Variants in TENM2 observed in about 807,000 individuals in gnomAD.
TENM2 encodes the protein teneurin transmembrane protein 2.
A neutral mutation model predicts 245.2 loss-of-function variants in TENM2; 52 were observed. The ratio of observed to expected loss-of-function variants is 0.21; its 90% CI spans 0.17 to 0.27. The LOEUF (loss-of-function observed/expected upper bound fraction) is 0.27, where lower values mean the gene tolerates loss of function less well. TENM2 is among the 10% of genes least tolerant of loss of function. TENM2 has a pLI of 1.00. For synonymous variants in TENM2, 1,363 were observed against 1,438.9 expected, an observed-to-expected ratio of 0.95 and a Z score of 1.19; for missense variants, 3,046 against 3,666.8, an observed-to-expected ratio of 0.83 and a Z score of 4.37.
At chr5:167,460,989 A>G (rs1766259024) in intron 2 of TENM2, among the ~76,000 whole-genome samples, 1 of 152,232 alleles carries the variant, frequency 6.6e-6, no homozygotes, top group Non-Finnish European at 1.5e-5. Context: ...CGACTAATAA[A>G]TTAGCACAAG....
At chr5:167,227,219 C>T in the TENM2 span, among the ~76,000 whole-genome samples, 1 of 151,728 alleles carries the variant, frequency 6.6e-6, no homozygotes, top group Non-Finnish European at 1.5e-5. Flanking sequence ...TTATATTGTT[C>T]ATTGTTTTCT....
intron 2 of TENM2, among the ~76,000 whole-genome samples, chr5:167,580,869 A>G (rs2127681621): frequency 6.6e-6 from 1 of 152,300 alleles, no homozygotes; most frequent in East Asian, 1.9e-4. Context: ...CAAGCTTGTA[A>G]TACCAGGTAC....
chr5:167,695,319 A>G (rs997280983), intron 2 of TENM2, among the ~76,000 whole-genome samples: 3 of 152,208 alleles, frequency 2.0e-5, no homozygotes, highest in Admixed American at 2.0e-4. Context: ...CTGTAGGTAA[A>G]ACGTAAGGAA....
the TENM2 span, among the ~76,000 whole-genome samples, chr5:167,211,282 T>G: frequency 3.3e-5 from 5 of 152,212 alleles, no homozygotes; most frequent in Non-Finnish European, 5.9e-5. Context: ...AAAACTACAC[T>G]GTTTCAACCA....
chr5:167,121,201 CT>C, the TENM2 span, among the ~76,000 whole-genome samples: 1 of 151,990 alleles, frequency 6.6e-6, no homozygotes, highest in Non-Finnish European at 1.5e-5. Context: ...CATGGAGATT[CT>C]ATTCCAGTGG....
intron 2 of TENM2, among the ~76,000 whole-genome samples, chr5:167,525,103 G>T (rs1037534203): frequency 1.3e-5 from 2 of 151,958 alleles, no homozygotes; most frequent in African/African-American, 4.8e-5. Flanking sequence ...GTGTTGGCCA[G>T]TTGCCAAATC....
chr5:168,062,918 C>A (rs1749788188), intron 7 of TENM2, among the ~76,000 whole-genome samples: 1 of 152,090 alleles, frequency 6.6e-6, no homozygotes, highest in Non-Finnish European at 1.5e-5. Context: ...TAGTAATGGC[C>A]TGAAATGAGG....
chr5:167,703,215 A>G (rs1046354275), intron 2 of TENM2, among the ~76,000 whole-genome samples: 1 of 152,148 alleles, frequency 6.6e-6, no homozygotes, highest in Admixed American at 6.5e-5. Context: ...TGACACCTAT[A>G]GTAAGTGGTA....
At chr5:167,879,302 A>G (rs1183943467) in intron 3 of TENM2, among the ~76,000 whole-genome samples, 1 of 152,132 alleles carries the variant, frequency 6.6e-6, no homozygotes, top group Non-Finnish European at 1.5e-5. Context: ...AATCAAGTAG[A>G]TACCCAGGTA....
intron 2 of TENM2, among the ~76,000 whole-genome samples, chr5:167,453,980 G>A (rs1007676998): frequency 2.0e-5 from 3 of 152,150 alleles, no homozygotes; most frequent in Admixed American, 1.3e-4. Flanking sequence ...GGTAATCAAT[G>A]AAAATGTGTA....
At chr5:167,004,217 A>G in the TENM2 span, among the ~76,000 whole-genome samples, 3 of 152,206 alleles carry the variant, frequency 2.0e-5, no homozygotes, top group Admixed American at 6.5e-5. Flanking sequence ...ATTATTCAGG[A>G]AAGCATTTGA....
chr5:167,109,428 A>T, the TENM2 span, among the ~76,000 whole-genome samples: 1 of 152,172 alleles, frequency 6.6e-6, no homozygotes, highest in African/African-American at 2.4e-5. Flanking sequence ...ATACAGCAGA[A>T]AGTTGATATT....
At chr5:167,102,618 G>T in the TENM2 span, among the ~76,000 whole-genome samples, 2 of 152,136 alleles carry the variant, frequency 1.3e-5, no homozygotes, top group Non-Finnish European at 1.5e-5. Context: ...TGTCTCTCTG[G>T]GGAGGGTGGT....
At chr5:167,081,748 T>C in the TENM2 span, among the ~76,000 whole-genome samples, 1 of 152,328 alleles carries the variant, frequency 6.6e-6, no homozygotes, top group East Asian at 1.9e-4. Context: ...GGAATTGATA[T>C]GATCTCACTT....
chr5:167,995,162 A>G (rs906947131), intron 5 of TENM2, among the ~76,000 whole-genome samples: 3 of 152,102 alleles, frequency 2.0e-5, no homozygotes, highest in Non-Finnish European at 4.4e-5. Flanking sequence ...CTTCTACTCT[A>G]CTTCCAGGAG....
At chr5:167,846,870 T>C (rs1006914605) in intron 2 of TENM2, among the ~76,000 whole-genome samples, 8 of 152,212 alleles carry the variant, frequency 5.3e-5, no homozygotes, top group Non-Finnish European at 1.2e-4. Flanking sequence ...ATTCCAAAGA[T>C]CGTTGTGCGT....
chr5:167,406,900 G>A (rs925570895), intron 2 of TENM2, among the ~76,000 whole-genome samples: 6 of 152,084 alleles, frequency 3.9e-5, no homozygotes, highest in African/African-American at 1.4e-4. Context: ...TGGACATTTG[G>A]TAATAGACAG....
At chr5:167,447,310 A>G (rs748621665) in intron 2 of TENM2, among the ~76,000 whole-genome samples, 3 of 152,254 alleles carry the variant, frequency 2.0e-5, no homozygotes, top group Admixed American at 6.5e-5. Context: ...CCTGGCACTT[A>G]ATAAATAGTA....
At chr5:167,122,901 A>G in the TENM2 span, among the ~76,000 whole-genome samples, 4 of 152,206 alleles carry the variant, frequency 2.6e-5, no homozygotes, top group African/African-American at 9.7e-5. Flanking sequence ...GCAAATTCAC[A>G]AATTGATATT....
Sources: allele counts gnomAD v4.1 joint callset (sites outside exome capture counted in the v4.1 genomes callset), GRCh38; gene constraint gnomAD v4.1.1; transcripts MANE v1.5; gene names NCBI Gene and HGNC (gene_info 2026-07-23, HGNC 2026-07-21).